KIF16B: variants seen among roughly 807,000 people sequenced by gnomAD.
KIF16B encodes kinesin-like protein KIF16B.
In KIF16B, 98 loss-of-function variants were observed where a neutral mutation model predicts 156.3. That is an observed-to-expected ratio of 0.63 (90% CI 0.53 to 0.74). KIF16B has a LOEUF of 0.74. Ranked by LOEUF, KIF16B falls within the 30% of genes least tolerant of loss-of-function variation. KIF16B has a pLI of 0.00. For synonymous variants in KIF16B, 564 were observed against 583.7 expected (o/e 0.97, Z 0.49); for missense variants, 1,421 against 1,606.5 (o/e 0.88, Z 1.97).
intron 1 of KIF16B, among the ~76,000 whole-genome samples, chr20:16,561,667 G>A (rs189982440): frequency 4.1e-4 from 62 of 152,066 alleles, no homozygotes; most frequent in African/African-American, 1.4e-3. Flanking sequence ...CCTTAACCAC[G>A]TAATCAAGGT....
chr20:16,544,607 C>CAAAAAAAAA (rs11472848), intron 1 of KIF16B, among the ~76,000 whole-genome samples: 1 of 64,632 alleles, frequency 1.5e-5, no homozygotes, highest in Non-Finnish European at 2.7e-5. Context: ...AAAGCCATCT[C>CAAAAAAAAA]AAAAAAAAAA....
chr20:16,423,902 C>T (rs1240789530), intron 15 of KIF16B, among the ~76,000 whole-genome samples: 1 of 152,078 alleles, frequency 6.6e-6, no homozygotes, highest in Admixed American at 6.6e-5. Context: ...CTGCTGTCAG[C>T]ACTAGAGCCT....
In KIF16B at chr20:16,313,573, C is replaced by G. The variant is rs934859994; in HGVS notation, c.3712-1155G>C. Among the ~76,000 whole-genome samples the G allele has an allele frequency of 2.0e-5, 3 of 152,222 alleles. No homozygotes were observed. In the East Asian group the frequency reaches 5.8e-4, roughly 29 times the overall value. ...CAGCACCCCCAGAGCTGCACTTGCTCCCTTCCAGGCACTCCCTCTCACCCC... is the reference window on the plus strand; with the variant it reads ...CAGCACCCCCAGAGCTGCACTTGCTGCCTTCCAGGCACTCCCTCTCACCCC... On this transcript the variant is annotated intron_variant, in intron 24 of 25. Transcript: ENST00000354981.
chr20:16,380,233 G>T, intron 18 of KIF16B, 70 bp from the exon 19 acceptor site: 2 of 1,355,162 alleles, frequency 1.5e-6, no homozygotes, highest in Non-Finnish European at 1.9e-6. Context: ...TTACTGAAAT[G>T]TTCTGAAAAT....
At chr20:16,277,700 C>T (rs1377655501) in intron 25 of KIF16B, among the ~76,000 whole-genome samples, 4 of 152,044 alleles carry the variant, frequency 2.6e-5, no homozygotes, top group East Asian at 1.9e-4. Flanking sequence ...CAGGTCAGCA[C>T]GCTTTATAAA....
chr20:16,408,114 C>T (rs1333381484), intron 15 of KIF16B, among the ~76,000 whole-genome samples: 1 of 152,028 alleles, frequency 6.6e-6, no homozygotes, highest in Non-Finnish European at 1.5e-5. Flanking sequence ...TATCCACCTG[C>T]CTATTTGATG....
chr20:16,534,417 T>C (rs2069877191), intron 1 of KIF16B, among the ~76,000 whole-genome samples: 1 of 152,236 alleles, frequency 6.6e-6, no homozygotes, highest in African/African-American at 2.4e-5. Context: ...ATTCTGGATA[T>C]GAGTCCCCTA....
chr20:16,513,875 C>A (rs1431633429), intron 4 of KIF16B, among the ~76,000 whole-genome samples: 1 of 151,902 alleles, frequency 6.6e-6, no homozygotes, highest in Non-Finnish European at 1.5e-5. Flanking sequence ...GCTAGGAAAC[C>A]AAGGCAGAGC....
chr20:16,385,523 A>T (rs1017973032), intron 17 of KIF16B, among the ~76,000 whole-genome samples: 1 of 152,346 alleles, frequency 6.6e-6, no homozygotes, highest in South Asian at 2.1e-4. Context: ...TTAACCTTGG[A>T]TGCTTCATTG....
At chr20:16,368,453 T>G in intron 22 of KIF16B, 1 of 986,374 alleles carries the variant, frequency 1.0e-6, no homozygotes. Context: ...GGCAGGCTTC[T>G]GACGAATGTT....
At chr20:16,495,342 G>C (rs979425047) in intron 11 of KIF16B, among the ~76,000 whole-genome samples, 3 of 152,172 alleles carry the variant, frequency 2.0e-5, no homozygotes, top group Non-Finnish European at 4.4e-5. Flanking sequence ...TCACTGCTAA[G>C]ATAAACTGAT....
At position 16,506,763 on chromosome 20, in the gene KIF16B, G is replaced by A. The variant is rs182899271; in HGVS notation, c.700-573C>T. Among the ~76,000 whole-genome samples, 359 of 152,160 alleles carry A rather than the reference G, an allele frequency of 2.4e-3. 1 individual carries two copies. Among genetic ancestry groups the A allele is most frequent in the Non-Finnish European group, 3.6e-3 (246 of 68,014 alleles). On this transcript the variant is annotated intron_variant, in intron 7 of 25. Coordinates refer to ENST00000354981, the MANE Select transcript of KIF16B (RefSeq NM_024704.5). ...TTGAACCAAAATGCGCCCCCCGCCA[G>A]ATTACTATATTTTTATAGAAATTTA...
At chr20:16,490,923 G>A (rs1463017235) in intron 12 of KIF16B, among the ~76,000 whole-genome samples, 2 of 152,170 alleles carry the variant, frequency 1.3e-5, no homozygotes, top group Non-Finnish European at 1.5e-5. Flanking sequence ...ATGATAATGA[G>A]ACAGTCCTTG....
intron 23 of KIF16B, among the ~76,000 whole-genome samples, chr20:16,350,326 G>C (rs1050875209): frequency 6.6e-6 from 1 of 152,196 alleles, no homozygotes; most frequent in Non-Finnish European, 1.5e-5. Flanking sequence ...CCTTAGAGGA[G>C]ATGACAATGG....
intron 17 of KIF16B, among the ~76,000 whole-genome samples, chr20:16,398,816 G>A (rs754817366): frequency 2.0e-5 from 3 of 152,128 alleles, no homozygotes; most frequent in Non-Finnish European, 4.4e-5. Flanking sequence ...GAAAGCAGGC[G>A]GCTTCACAGG....
intron 22 of KIF16B, chr20:16,367,297 G>C (rs6043914): frequency 6.2e-7 from 1 of 1,612,860 alleles, no homozygotes; most frequent in Non-Finnish European, 8.5e-7. Context: ...AAGGTGCTCA[G>C]GTGGACTATT....
At position 16,428,968 on chromosome 20, in the gene KIF16B, T is replaced by G; in HGVS notation, c.1459A>C (p.Thr487Pro). 6.2e-7 allele frequency: 1 copy of G among 1,613,434 alleles called. No individual in the cohort carries two copies. The highest frequency in any genetic ancestry group is 8.5e-7 in the Non-Finnish European group (1 of 1,179,514). ...QTYVGRDDAS[T>P]EQDIVLHGLD... Reference sequence around the variant, plus strand: ...ATATGCTCACCAATATCTTGCTCCGTGGAAGCATCGTCTCTACCAACGTAT... The same window carrying G: ...ATATGCTCACCAATATCTTGCTCCGGGGAAGCATCGTCTCTACCAACGTAT... The change falls in exon 14 of 26, where the codon ACG becomes CCG. Residue 487 changes from threonine (T) to proline (P), a missense_variant. Transcript: ENST00000354981.
At position 16,379,775 on chromosome 20, in the gene KIF16B, T is replaced by G; in HGVS notation, c.2227A>C (p.Lys743Gln). 1 of 1,614,226 alleles carries G rather than the reference T, an allele frequency of 6.2e-7. No homozygotes were observed. The highest frequency in any genetic ancestry group is 8.5e-7 in the Non-Finnish European group (1 of 1,180,040). Residue 743 changes from lysine (K) to glutamine (Q), a missense_variant, in exon 19 of 26, where the codon AAG becomes CAG. Physicochemically the swap from Lys to Gln is moderately conservative, Grantham distance 53. Transcript: ENST00000354981. ...LQKEKDEQYAKLELEKKRLEE... is the reference protein window; with the variant it reads ...LQKEKDEQYAQLELEKKRLEE... ...AGTCTCTTTTTTTCCAGTTCAAGCT[T>G]GGCATACTGTTCATCTTTTTCCTTT...
intron 1 of KIF16B, among the ~76,000 whole-genome samples, chr20:16,569,719 A>G (rs1012869282): frequency 2.6e-5 from 4 of 152,166 alleles, no homozygotes; most frequent in South Asian, 4.1e-4. Flanking sequence ...ACTTCCTTCA[A>G]TCCTCCTCAC....
Sources: allele counts gnomAD v4.1 joint callset (sites outside exome capture counted in the v4.1 genomes callset), GRCh38; gene constraint gnomAD v4.1.1; transcripts MANE v1.5; gene names NCBI Gene and HGNC (gene_info 2026-07-23, HGNC 2026-07-21).